Variants in FRAS1 observed in about 807,000 individuals in gnomAD.
FRAS1 encodes Fraser extracellular matrix complex subunit 1.
In FRAS1, 290 loss-of-function variants were observed where a neutral mutation model predicts 435.2. The observed-to-expected ratio is 0.67, with a 90% CI of 0.61 to 0.73. The LOEUF (loss-of-function observed/expected upper bound fraction) is 0.73. FRAS1 is among the 30% of genes least tolerant of loss of function. The pLI, the probability that FRAS1 is intolerant of heterozygous loss-of-function variation, is 0.00. For missense variants in FRAS1, 4,860 were observed against 5,001.5 expected (o/e 0.97, Z 0.85); for synonymous variants, 1,800 against 1,851.0 (o/e 0.97, Z 0.71).
intron 2 of FRAS1, among the ~76,000 whole-genome samples, chr4:78,117,498 T>C (rs980214222): frequency 6.6e-6 from 1 of 152,240 alleles, no homozygotes; most frequent in African/African-American, 2.4e-5. Flanking sequence ...TTTTTTCACA[T>C]AGTCCCTTAT....
chr4:78,090,278 T>G (rs1741447242), intron 2 of FRAS1, among the ~76,000 whole-genome samples: 2 of 152,314 alleles, frequency 1.3e-5, no homozygotes, highest in Middle Eastern at 3.4e-3. Flanking sequence ...CTATTGCACA[T>G]GGTGTAGAGA....
chr4:78,533,197 TA>T (rs1179083673), intron 70 of FRAS1, among the ~76,000 whole-genome samples: 8 of 152,262 alleles, frequency 5.3e-5, no homozygotes, highest in Non-Finnish European at 7.3e-5. Context: ...CATGCTATAT[TA>T]TTTTTTATTT....
chr4:78,272,181 G>C (rs1035976043), intron 9 of FRAS1, among the ~76,000 whole-genome samples: 2 of 152,038 alleles, frequency 1.3e-5, no homozygotes, highest in Non-Finnish European at 2.9e-5. Flanking sequence ...TTGTAAATTT[G>C]TTTGAGTTCT....
In FRAS1 at chr4:78,473,425, T is replaced by C; in HGVS notation, c.7523-13T>C. ...TCCCTGGGTTAATTCACAGTGAGTCTTTTTTCTCACAGAGGATGTGAACTT... is the reference window on the plus strand; with the variant it reads ...TCCCTGGGTTAATTCACAGTGAGTCCTTTTTCTCACAGAGGATGTGAACTT... On this transcript the variant is annotated splice_polypyrimidine_tract_variant and intron_variant, in intron 52 of 73. Transcript: ENST00000512123. The C allele has an allele frequency of 6.2e-7, 1 of 1,607,532 alleles. No homozygotes were observed. Among genetic ancestry groups the C allele is most frequent in the East Asian group, 2.2e-5 (1 of 44,734 alleles).
At chr4:78,137,280 A>G (rs1323475999) in intron 2 of FRAS1, among the ~76,000 whole-genome samples, 2 of 152,114 alleles carry the variant, frequency 1.3e-5, no homozygotes, top group Admixed American at 1.3e-4. Flanking sequence ...CTCTTTATAG[A>G]CTCTGTTGGT....
chr4:78,522,452 A>G (rs887188542), intron 68 of FRAS1, among the ~76,000 whole-genome samples, 197 bp from the exon 69 acceptor site: 2 of 152,196 alleles, frequency 1.3e-5, no homozygotes, highest in African/African-American at 2.4e-5. Context: ...GACCATCACA[A>G]GTAGGACGAT....
intron 1 of FRAS1, among the ~76,000 whole-genome samples, chr4:78,058,584 G>T (rs1739589495): frequency 6.6e-6 from 1 of 152,166 alleles, no homozygotes; most frequent in Non-Finnish European, 1.5e-5. Flanking sequence ...ATAACTAACT[G>T]GTTGGAGCGT....
rs1553931228 is a variant in FRAS1, at chr4:78,218,098, TCACACACACA to T, written c.109-19385_109-19376del. Among the ~76,000 whole-genome samples the T allele has an allele frequency of 1.3e-4, 5 of 39,728 alleles. No individual in the cohort carries two copies. The East Asian group carries it at 2.1e-3, about 16-fold the overall frequency. 26.1% of individuals were successfully genotyped at this position (39,728 alleles called of 152,430 possible). ...CCTTCTCTCTCTCTCTCACTCTCTC[TCACACACACA>T]CACACACACACACACACACACACAC... On this transcript the variant is annotated intron_variant, in intron 2 of 73. Coordinates refer to ENST00000512123, the MANE Select transcript of FRAS1 (RefSeq NM_025074.7).
chr4:78,186,832 C>G (rs1722289741), intron 2 of FRAS1, among the ~76,000 whole-genome samples: 1 of 152,216 alleles, frequency 6.6e-6, no homozygotes, highest in African/African-American at 2.4e-5. Context: ...TCTTTTCATT[C>G]TGCTGCTCTG....
At chr4:78,440,814 T>C (rs1178535090) in intron 40 of FRAS1, among the ~76,000 whole-genome samples, 3 of 152,174 alleles carry the variant, frequency 2.0e-5, no homozygotes, top group Non-Finnish European at 4.4e-5. Context: ...TGTGGGCTTT[T>C]GAATGTTGAT....
At chr4:78,513,657 G>A in intron 65 of FRAS1, 105 bp downstream of exon 65, 2 of 1,033,402 alleles carry the variant, frequency 1.9e-6, no homozygotes, top group Non-Finnish European at 2.9e-6. Context: ...CTGGTCCTCA[G>A]AATCCACATA....
intron 42 of FRAS1, chr4:78,446,039 G>A (rs1274496168): frequency 2.5e-6 from 3 of 1,203,474 alleles, no homozygotes; most frequent in Non-Finnish European, 2.1e-6. Context: ...AATTGTGTTT[G>A]GTTCTATATG....
chr4:78,296,943 C>T (rs947754781), intron 14 of FRAS1, among the ~76,000 whole-genome samples: 4 of 152,126 alleles, frequency 2.6e-5, no homozygotes, highest in African/African-American at 9.7e-5. Context: ...TTATTATTTC[C>T]ACTTTACAAA....
chr4:78,182,365 A>G (rs1402744670), intron 2 of FRAS1, among the ~76,000 whole-genome samples: 1 of 152,174 alleles, frequency 6.6e-6, no homozygotes, highest in African/African-American at 2.4e-5. Flanking sequence ...CAGATAAGGA[A>G]GGGTTCCTAA....
intron 20 of FRAS1, among the ~76,000 whole-genome samples, chr4:78,355,301 C>T (rs1396355049): frequency 2.0e-5 from 3 of 152,038 alleles, no homozygotes; most frequent in African/African-American, 7.2e-5. Context: ...CATCTGTGCT[C>T]CCCCCACATA....
At chr4:78,478,772 A>G (rs1719926342) in intron 55 of FRAS1, among the ~76,000 whole-genome samples, 1 of 152,214 alleles carries the variant, frequency 6.6e-6, no homozygotes, top group African/African-American at 2.4e-5. Context: ...AATACTGTAG[A>G]TAGCAAAAAC....
At chr4:78,131,033 A>G (rs1719657878) in intron 2 of FRAS1, among the ~76,000 whole-genome samples, 1 of 152,194 alleles carries the variant, frequency 6.6e-6, no homozygotes, top group African/African-American at 2.4e-5. Flanking sequence ...TCTTTCAGGT[A>G]TTATTAACAC....
chr4:78,096,181 G>C (rs1345278450), intron 2 of FRAS1, among the ~76,000 whole-genome samples: 1 of 152,214 alleles, frequency 6.6e-6, no homozygotes, highest in Non-Finnish European at 1.5e-5. Flanking sequence ...AAATTTTAAA[G>C]CTCCAAGATG....
chr4:78,541,463 G>A lies in FRAS1; in HGVS notation c.*339G>A. On this transcript the variant is annotated 3_prime_UTR_variant, in exon 74 of 74. Coordinates refer to ENST00000512123, the MANE Select transcript of FRAS1 (RefSeq NM_025074.7). ...GATGGAGATGAGAGGACTGGGTAGA[G>A]TACCATGGCAGATCTCAGAGAGAAG... 1 of 174,002 alleles carries A rather than the reference G, an allele frequency of 5.7e-6. No individual in the cohort carries two copies. The highest frequency in any genetic ancestry group is 1.5e-4 in the East Asian group (1 of 6,650). 10.8% of individuals were successfully genotyped at this position (174,002 alleles called of 1,614,324 possible).
Sources: allele counts gnomAD v4.1 joint callset (sites outside exome capture counted in the v4.1 genomes callset), GRCh38; gene constraint gnomAD v4.1.1; transcripts MANE v1.5; gene names NCBI Gene and HGNC (gene_info 2026-07-23, HGNC 2026-07-21).